MYT1: variants seen among roughly 807,000 people sequenced by gnomAD.
MYT1 encodes myelin transcription factor I.
Under a neutral mutation model 123.0 loss-of-function variants are expected in MYT1, and 23 were observed. The ratio of observed to expected loss-of-function variants is 0.19; its 90% CI spans 0.13 to 0.26. The LOEUF is 0.26. Ranked by LOEUF, MYT1 falls within the 10% of genes least tolerant of loss-of-function variation. MYT1 has a pLI of 1.00. For missense variants in MYT1, 1,125 were observed against 1,472.5 expected, an observed-to-expected ratio of 0.76 and a Z score of 3.86; for synonymous variants, 518 against 575.3, an observed-to-expected ratio of 0.90 and a Z score of 1.43.
chr20:64,199,475 C>T (rs927977991), intron 3 of MYT1, among the ~76,000 whole-genome samples: 2 of 152,222 alleles, frequency 1.3e-5, no homozygotes, highest in Non-Finnish European at 2.9e-5. Context: ...GGACCAGTAA[C>T]TCGGTCCAGT....
In MYT1 at chr20:64,198,870, A is replaced by C; in HGVS notation, c.9A>C (p.Leu3Phe). 6.2e-7 allele frequency: 1 copy of C among 1,614,210 alleles called. No homozygotes were observed. The highest frequency in any genetic ancestry group is 8.5e-7 in the Non-Finnish European group (1 of 1,180,030). Residue 3 changes from leucine to phenylalanine, a missense_variant, in exon 3 of 23, where the codon TTA (leucine) becomes TTC (phenylalanine). By Grantham distance (22) the Leu-to-Phe change is conservative. This residue lies in a region of MYT1 where 406 missense variants were observed against 432.2 expected (regional missense o/e 0.94). Transcript: ENST00000328439. The stretch of plus-strand genomic sequence containing the variant: ...TGGTTTTTTGCTTGCAGATGAGCTT[A>C]GAAAATGAAGACAAGCGAGCTCGCA... MSLENEDKRARTR... is the reference protein window; with the variant it reads MSFENEDKRARTR...
chr20:64,180,076 CACACACATGCTACACACAGGTACATGCT>C lies in MYT1; in HGVS notation c.-98-9979_-98-9952del, dbSNP rs1982601305. ...CACAGTTACACACCACACGCAGTTA[CACACACATGCTACACACAGGTACATGCT>C]ACACACACGCTACACACAGTTATAC... is the stretch of plus-strand genomic sequence containing the variant. On this transcript the variant is annotated intron_variant, in intron 1 of 22. Coordinates refer to ENST00000328439, the MANE Select transcript of MYT1 (RefSeq NM_004535.3). 4.7e-5 allele frequency among the ~76,000 whole-genome samples: 7 copies of C among 149,428 alleles called. No individual in the cohort carries two copies. The South Asian group carries it at 1.5e-3, about 31-fold the overall frequency.
chr20:64,180,366 G>A (rs758033731), intron 1 of MYT1, among the ~76,000 whole-genome samples: 11 of 152,146 alleles, frequency 7.2e-5, no homozygotes, highest in African/African-American at 1.7e-4. Flanking sequence ...CTGCCTTTCC[G>A]TAGGCATAAC....
intron 16 of MYT1, among the ~76,000 whole-genome samples, chr20:64,224,824 T>C (rs1011509026): frequency 6.6e-6 from 1 of 152,192 alleles, no homozygotes; most frequent in African/African-American, 2.4e-5. Flanking sequence ...AGAGGAGAAA[T>C]GTGGCTGCAG....
At chr20:64,209,035 C>G (rs1185776046) in intron 7 of MYT1, among the ~76,000 whole-genome samples, 1 of 152,160 alleles carries the variant, frequency 6.6e-6, no homozygotes, top group Non-Finnish European at 1.5e-5. Flanking sequence ...GAGCCATCCC[C>G]TGATCGCACG....
intron 2 of MYT1, among the ~76,000 whole-genome samples, chr20:64,195,115 A>G (rs566233238): frequency 6.6e-6 from 1 of 151,708 alleles, no homozygotes; most frequent in African/African-American, 2.4e-5. Context: ...CGGCCTCCCA[A>G]AGTGCTGGGA....
intron 3 of MYT1, among the ~76,000 whole-genome samples, chr20:64,199,575 C>T: frequency 6.6e-6 from 1 of 152,174 alleles, no homozygotes; most frequent in Non-Finnish European, 1.5e-5. Flanking sequence ...AGATACCATC[C>T]CTGGCCCTGA....
chr20:64,183,446 C>A (rs1982708873), intron 1 of MYT1, among the ~76,000 whole-genome samples: 1 of 152,188 alleles, frequency 6.6e-6, no homozygotes, highest in East Asian at 1.9e-4. Context: ...GAGTAACTGC[C>A]ATGCCATTTT....
At chr20:64,187,299 G>A (rs1982839046) in intron 1 of MYT1, among the ~76,000 whole-genome samples, 1 of 146,414 alleles carries the variant, frequency 6.8e-6, no homozygotes, top group Non-Finnish European at 1.5e-5. Flanking sequence ...GAGTTTTCCT[G>A]TAGCACGTGG....
intron 21 of MYT1, 146 bp from the exon 22 acceptor site, chr20:64,239,614 C>A: frequency 8.8e-7 from 1 of 1,134,472 alleles, no homozygotes; most frequent in Non-Finnish European, 1.2e-6. Context: ...GTGGCAGAAC[C>A]CCCTACAGGA....
intron 19 of MYT1, among the ~76,000 whole-genome samples, chr20:64,236,256 TGGGATGGCGGTGGTGGGTGACCCG>T: frequency 3.5e-5 from 5 of 143,372 alleles, no homozygotes; most frequent in African/African-American, 1.1e-4. Flanking sequence ...TGGGTGACCC[TGGGATGGCGGTGGTGGGTGACCCG>T]GGGCTGGCCG....
intron 1 of MYT1, among the ~76,000 whole-genome samples, chr20:64,175,380 G>A (rs1413040915): frequency 7.1e-5 from 2 of 28,006 alleles, no homozygotes; most frequent in African/African-American, 2.1e-4. Context: ...GGCTTCTCCT[G>A]CAGCATCTTT....
chr20:64,171,875 C>A (rs901647973), intron 1 of MYT1, among the ~76,000 whole-genome samples: 2 of 151,702 alleles, frequency 1.3e-5, no homozygotes, highest in African/African-American at 2.4e-5. Flanking sequence ...CTGGAGGAAC[C>A]CAAACCCTAA....
intron 1 of MYT1, among the ~76,000 whole-genome samples, chr20:64,188,565 A>C (rs1982877462): frequency 6.6e-6 from 1 of 152,194 alleles, no homozygotes; most frequent in Admixed American, 6.5e-5. Flanking sequence ...TCAAAGTGTG[A>C]AGCACACTCC....
intron 2 of MYT1, among the ~76,000 whole-genome samples, chr20:64,197,643 C>CCGGGAAG (rs1983162122): frequency 6.6e-6 from 1 of 152,188 alleles, no homozygotes; most frequent in Admixed American, 6.5e-5. Context: ...GTGTGGCTCC[C>CCGGGAAG]CGGGAAGGAT....
chr20:64,234,227 C>T lies in MYT1; in HGVS notation c.2897+1842C>T, dbSNP rs115633173. Among the ~76,000 whole-genome samples the T allele has an allele frequency of 8.4e-3, 1,277 of 152,246 alleles. 13 individuals are homozygous for T. Among genetic ancestry groups the T allele is most frequent in the Middle Eastern group, 0.058 (17 of 294 alleles). ...CATTTTTCTGCTTGAGTGTCTATAT[C>T]CGAGGAGTGATCTGTGACTGTCATT... On this transcript the variant is annotated intron_variant, in intron 19 of 22. Transcript: ENST00000328439.
chr20:64,170,878 TATATATAGAGAG>T (rs1277961957), intron 1 of MYT1, among the ~76,000 whole-genome samples: 41 of 55,588 alleles, frequency 7.4e-4, no homozygotes, highest in African/African-American at 1.2e-3. Flanking sequence ...TATATATATA[TATATATAGAGAG>T]AGAGAGAGAG....
intron 1 of MYT1, among the ~76,000 whole-genome samples, chr20:64,165,192 T>A (rs938127501): frequency 6.6e-6 from 1 of 151,936 alleles, no homozygotes; most frequent in African/African-American, 2.4e-5. Flanking sequence ...CTGGGGTGTG[T>A]CATGTGTGAC....
intron 19 of MYT1, among the ~76,000 whole-genome samples, chr20:64,235,382 G>C (rs1305059250): frequency 2.5e-5 from 3 of 118,704 alleles, no homozygotes; most frequent in Non-Finnish European, 5.1e-5. Context: ...CTGGGCTGGT[G>C]GTGGTGGGTG....
Sources: allele counts gnomAD v4.1 joint callset (sites outside exome capture counted in the v4.1 genomes callset), GRCh38; gene constraint gnomAD v4.1.1; regional missense constraint gnomAD v4.1.1; transcripts MANE v1.5; gene names NCBI Gene and HGNC (gene_info 2026-07-23, HGNC 2026-07-21).